CHRM3: variants seen among roughly 807,000 people sequenced by gnomAD.
CHRM3 encodes muscarinic acetylcholine receptor M3.
A neutral mutation model predicts 41.8 loss-of-function variants in CHRM3; 11 were observed. That is an observed-to-expected ratio of 0.26 (90% confidence interval 0.17 to 0.44). The LOEUF is 0.44. Among genes scored for constraint, CHRM3 ranks in the 20% least tolerant of loss-of-function variants. The pLI is 1.00. For synonymous variants in CHRM3, 297 were observed against 301.4 expected (o/e 0.99, Z 0.15); for missense variants, 571 against 745.4 (o/e 0.77, Z 2.72).
At chr1:239,645,150 G>A (rs1161839457) in intron 4 of CHRM3, among the ~76,000 whole-genome samples, 5 of 152,188 alleles carry the variant, frequency 3.3e-5, no homozygotes, top group African/African-American at 1.2e-4. Flanking sequence ...CAGGAGCCAA[G>A]TGTCCCCATC....
intron 3 of CHRM3, among the ~76,000 whole-genome samples, chr1:239,599,904 A>T (rs1406478850): frequency 5.9e-5 from 9 of 152,160 alleles, no homozygotes; most frequent in Non-Finnish European, 7.3e-5. Context: ...TCCTAGTCAA[A>T]AAAATTGTGT....
At chr1:239,389,724 T>C (rs1001059277) in intron 1 of CHRM3, among the ~76,000 whole-genome samples, 8 of 152,246 alleles carry the variant, frequency 5.3e-5, no homozygotes, top group African/African-American at 1.9e-4. Context: ...ATACATATTT[T>C]CAGATTTTTA....
chr1:239,750,083 C>T (rs555995647), intron 5 of CHRM3, among the ~76,000 whole-genome samples: 2 of 152,344 alleles, frequency 1.3e-5, no homozygotes, highest in Admixed American at 6.5e-5. Flanking sequence ...CCCATTCAGA[C>T]ACACCTTTTC....
chr1:239,619,711 C>T (rs180756406), intron 3 of CHRM3, among the ~76,000 whole-genome samples: 51 of 152,136 alleles, frequency 3.4e-4, no homozygotes, highest in Non-Finnish European at 4.9e-4. Flanking sequence ...TTTCTCGAAC[C>T]CCCATAAACA....
At position 239,581,294 on chromosome 1, in the gene CHRM3, A is replaced by G. The variant is rs540446613; in HGVS notation, c.-313+35545A>G. Among the ~76,000 whole-genome samples, 198 of 152,278 alleles carry G rather than the reference A, an allele frequency of 1.3e-3. 1 individual carries two copies. The highest frequency in any genetic ancestry group is 4.5e-3 in the African/African-American group (186 of 41,564). ...ACTTCTAAGTATCCCTATGTTTTAA[A>G]GAGAATAGATATTGCTCTCCTTTTT... On this transcript the variant is annotated intron_variant, in intron 3 of 6. Coordinates refer to ENST00000676153, the MANE Select transcript of CHRM3 (RefSeq NM_001375978.1).
At chr1:239,496,510 AGTGT>A (rs71166874) in intron 2 of CHRM3, among the ~76,000 whole-genome samples, 1,499 of 145,058 alleles carry the variant, frequency 0.01, 16 homozygotes, top group African/African-American at 0.029. Flanking sequence ...TAGTAATTCT[AGTGT>A]GTGTGTGTGT....
intron 4 of CHRM3, among the ~76,000 whole-genome samples, chr1:239,635,343 A>G (rs1297537994): frequency 6.6e-6 from 1 of 152,222 alleles, no homozygotes; most frequent in Non-Finnish European, 1.5e-5. Flanking sequence ...AAATGCATTA[A>G]CATGACTTAT....
chr1:239,854,792 A>C (rs1162870500), intron 6 of CHRM3, among the ~76,000 whole-genome samples: 1 of 152,154 alleles, frequency 6.6e-6, no homozygotes, highest in East Asian at 1.9e-4. Context: ...TGGAAAATGT[A>C]CTTTCAGAGC....
intron 6 of CHRM3, among the ~76,000 whole-genome samples, chr1:239,857,994 T>G (rs1467861701): frequency 6.6e-6 from 1 of 152,158 alleles, no homozygotes; most frequent in African/African-American, 2.4e-5. Flanking sequence ...TGATATATAT[T>G]ATTAATTAAA....
chr1:239,621,884 A>G (rs2148817227), intron 3 of CHRM3, among the ~76,000 whole-genome samples: 1 of 148,512 alleles, frequency 6.7e-6, no homozygotes, highest in African/African-American at 2.5e-5. Context: ...TGCTGGAAGA[A>G]GATGCCATCT....
chr1:239,670,935 A>G (rs1469938307), intron 4 of CHRM3, among the ~76,000 whole-genome samples: 1 of 152,180 alleles, frequency 6.6e-6, no homozygotes, highest in Non-Finnish European at 1.5e-5. Context: ...GCTCAGCAGT[A>G]TATATTAAAT....
intron 1 of CHRM3, among the ~76,000 whole-genome samples, chr1:239,426,161 A>T (rs1264687851): frequency 2.7e-5 from 1 of 37,080 alleles, no homozygotes; most frequent in African/African-American, 1.2e-4. Flanking sequence ...CCCTCCCCCC[A>T]CCCCACAACA....
intron 4 of CHRM3, among the ~76,000 whole-genome samples, chr1:239,640,728 A>G (rs1405834418): frequency 2.0e-5 from 3 of 150,714 alleles, no homozygotes; most frequent in Non-Finnish European, 2.9e-5. Flanking sequence ...TCCTGGATTC[A>G]TTAATTTTTT....
chr1:239,505,303 A>G (rs1298120299), intron 2 of CHRM3, among the ~76,000 whole-genome samples: 2 of 149,356 alleles, frequency 1.3e-5, no homozygotes, highest in Non-Finnish European at 3.0e-5. Context: ...GATGATGATG[A>G]TGATTGATAT....
At chr1:239,787,843 G>A (rs1669031815) in intron 5 of CHRM3, among the ~76,000 whole-genome samples, 1 of 151,930 alleles carries the variant, frequency 6.6e-6, no homozygotes, top group Non-Finnish European at 1.5e-5. Context: ...TTCATATTTG[G>A]GAATTAAATG....
intron 5 of CHRM3, among the ~76,000 whole-genome samples, chr1:239,713,346 T>C (rs1413970312): frequency 2.0e-5 from 3 of 152,158 alleles, no homozygotes; most frequent in African/African-American, 4.8e-5. Context: ...ATACTGTCGA[T>C]TCTCTAGGGA....
At chr1:239,529,851 A>G (rs1030067074) in intron 2 of CHRM3, among the ~76,000 whole-genome samples, 3 of 152,126 alleles carry the variant, frequency 2.0e-5, no homozygotes, top group African/African-American at 7.2e-5. Context: ...AGTTTACTAG[A>G]CAAACTTTAT....
At chr1:239,864,713 T>C (rs1181811429) in intron 6 of CHRM3, among the ~76,000 whole-genome samples, 1 of 152,172 alleles carries the variant, frequency 6.6e-6, no homozygotes, top group Non-Finnish European at 1.5e-5. Flanking sequence ...AAAATTTTTC[T>C]GAAGGTGCTG....
chr1:239,713,949 C>A (rs1662077707), intron 5 of CHRM3, among the ~76,000 whole-genome samples: 2 of 152,126 alleles, frequency 1.3e-5, no homozygotes, highest in Admixed American at 1.3e-4. Flanking sequence ...TTAAACCAGA[C>A]ATGATGTTAA....
Sources: gnomAD v4.1 joint callset for allele counts (sites outside exome capture counted in the v4.1 genomes callset) on GRCh38, gnomAD v4.1.1 for gene constraint, MANE v1.5 for transcripts, NCBI Gene and HGNC (gene_info 2026-07-23, HGNC 2026-07-21) for gene names.